Variants in NOL4L observed in about 807,000 individuals in gnomAD.
The protein encoded by NOL4L is nucleolar protein 4 like.
NOL4L carries 7 observed loss-of-function variants against 64.5 expected under a neutral mutation model. The ratio of observed to expected loss-of-function variants is 0.11; its 90% CI spans 0.06 to 0.20. NOL4L has a LOEUF of 0.20. Among genes scored for constraint, NOL4L ranks in the 10% least tolerant of loss-of-function variants. The pLI is 1.00. For missense variants in NOL4L, 680 were observed against 967.1 expected, an observed-to-expected ratio of 0.70 and a Z score of 3.94; for synonymous variants, 413 against 401.0, an observed-to-expected ratio of 1.03 and a Z score of -0.36.
At chr20:32,476,542 A>G (rs905341152) in intron 4 of NOL4L, among the ~76,000 whole-genome samples, 1 of 152,226 alleles carries the variant, frequency 6.6e-6, no homozygotes, top group Non-Finnish European at 1.5e-5. Context: ...ACTCTTGGGT[A>G]TTGTTCAAAT....
intron 4 of NOL4L, 36 bp downstream of exon 4, chr20:32,511,311 G>T (rs781771689): frequency 1.5e-6 from 2 of 1,347,506 alleles, no homozygotes; most frequent in African/African-American, 1.5e-5. Flanking sequence ...AAGTCAGGAC[G>T]CCTCCAGGTG....
chr20:32,521,588 C>T (rs555657193), intron 2 of NOL4L, among the ~76,000 whole-genome samples: 1 of 152,288 alleles, frequency 6.6e-6, no homozygotes, highest in South Asian at 2.1e-4. Flanking sequence ...ACAGTTGCCT[C>T]CAGAAGGCCT....
chr20:32,542,624 G>A (rs113299101), intron 1 of NOL4L, among the ~76,000 whole-genome samples: 3,769 of 152,062 alleles, frequency 0.025, 161 homozygotes, highest in African/African-American at 0.086. Flanking sequence ...AAAGTGCTGG[G>A]ATTACAGGTG....
intron 4 of NOL4L, among the ~76,000 whole-genome samples, chr20:32,492,566 A>G (rs2016509521): frequency 6.6e-6 from 1 of 152,196 alleles, no homozygotes; most frequent in African/African-American, 2.4e-5. Flanking sequence ...CTGAATGTGC[A>G]TTATGCTTCA....
Position 32,453,124 on chromosome 20 carries a change from CTA to C in NOL4L, c.1498-120_1498-119del. 6.8e-7 allele frequency: 1 copy of C among 1,478,724 alleles called. No individual in the cohort carries two copies. The highest frequency in any genetic ancestry group is 9.2e-7 in the Non-Finnish European group (1 of 1,089,706). 91.6% of individuals were successfully genotyped at this position (1,478,724 alleles called of 1,614,324 possible). A position where few individuals can be genotyped will look rare whatever the true frequency, so the allele number is the denominator to read the frequency against. On this transcript the variant is annotated intron_variant, in intron 8 of 10. Transcript: ENST00000621426. The surrounding 1 kb of genome is among the most constrained non-coding windows in gnomAD (Gnocchi z 5.6). ...GGGGTTTGGGCTCCAGCGCCTCAGT[CTA>C]TGGAGCTGTGTGATCTTTCTGGGCC...
chr20:32,540,522 C>G (rs1432951219), intron 1 of NOL4L, among the ~76,000 whole-genome samples: 1 of 152,208 alleles, frequency 6.6e-6, no homozygotes, highest in African/African-American at 2.4e-5. Flanking sequence ...CCCCGGCCCC[C>G]ACACCTGCCC....
chr20:32,561,649 G>A (rs140255578), intron 1 of NOL4L, among the ~76,000 whole-genome samples: 12 of 152,262 alleles, frequency 7.9e-5, no homozygotes, highest in South Asian at 4.1e-4. Flanking sequence ...GTTGGGCTTG[G>A]GGACAGGAGT....
chr20:32,498,967 C>T (rs1321263145), intron 4 of NOL4L, among the ~76,000 whole-genome samples: 1 of 151,976 alleles, frequency 6.6e-6, no homozygotes, highest in East Asian at 1.9e-4. Flanking sequence ...GCAACCTCTG[C>T]TTCCCAGGTT....
At position 32,584,981 on chromosome 20, in the gene NOL4L, G is replaced by A. The variant is rs1394651063; in HGVS notation, c.-91C>T. 3 of 729,048 alleles carry A rather than the reference G, an allele frequency of 4.1e-6. No individual in the cohort carries two copies. The highest frequency in any genetic ancestry group is 3.4e-6 in the Non-Finnish European group (2 of 596,256). The allele number at this position is 729,048 out of a possible 1,614,324, so 45.2% of individuals were successfully genotyped here. On this transcript the variant is annotated 5_prime_UTR_variant, in exon 1 of 11. Coordinates refer to ENST00000621426, the MANE Select transcript of NOL4L (RefSeq NM_001256798.2). Reference sequence around the variant, plus strand: ...GCTGGGCTGGGCTGGACCGGGCCGGGACGCGCCGCGGCCGCGTCTGTCCCG... The same window carrying A: ...GCTGGGCTGGGCTGGACCGGGCCGGAACGCGCCGCGGCCGCGTCTGTCCCG...
intron 3 of NOL4L, 43 bp from the exon 4 acceptor site, chr20:32,511,499 C>T (rs924492599): frequency 4.0e-5 from 56 of 1,392,618 alleles, no homozygotes; most frequent in Non-Finnish European, 4.6e-5. Context: ...GTCTGTGCTG[C>T]GGGCCTGTTG....
At chr20:32,502,258 G>C (rs2016949515) in intron 4 of NOL4L, among the ~76,000 whole-genome samples, 1 of 152,208 alleles carries the variant, frequency 6.6e-6, no homozygotes, top group Non-Finnish European at 1.5e-5. Context: ...AAGTGGGGAG[G>C]CTGGGGCAGG....
chr20:32,447,248 A>C lies in NOL4L; in HGVS notation c.*348T>G. On this transcript the variant is annotated 3_prime_UTR_variant, in exon 11 of 11. Coordinates refer to ENST00000621426, the MANE Select transcript of NOL4L (RefSeq NM_001256798.2). ...TCTGCTCACCTAAGACTTGAAAGGT[A>C]ATTATCTGGGGGTGGGATTCTAACA... 1.9e-6 allele frequency: 1 copy of C among 517,262 alleles called. No homozygotes were observed. 32.0% of individuals were successfully genotyped at this position (517,262 alleles called of 1,614,324 possible).
chr20:32,518,420 C>T (rs549912618), intron 3 of NOL4L, among the ~76,000 whole-genome samples: 3 of 152,244 alleles, frequency 2.0e-5, no homozygotes, highest in East Asian at 3.8e-4. Context: ...CTGTGCTCCG[C>T]GTTGCCCTCC....
At chr20:32,537,034 C>A (rs1600853540) in intron 1 of NOL4L, 2 of 983,410 alleles carry the variant, frequency 2.0e-6, no homozygotes, top group East Asian at 1.1e-4. Context: ...CCCCGCCAAC[C>A]GGCTCCCGGC....
chr20:32,583,646 G>A (rs1488002191), intron 1 of NOL4L, among the ~76,000 whole-genome samples: 1 of 141,114 alleles, frequency 7.1e-6, no homozygotes, highest in African/African-American at 2.6e-5. Context: ...GGGAGCGGCC[G>A]CCCCCCCCCC....
intron 1 of NOL4L, among the ~76,000 whole-genome samples, chr20:32,530,835 C>T (rs1159901494): frequency 6.6e-6 from 1 of 151,660 alleles, no homozygotes. Flanking sequence ...GCAGGAGAAT[C>T]ACTTGAATCC....
intron 1 of NOL4L, among the ~76,000 whole-genome samples, chr20:32,549,623 C>T (rs967856346): frequency 4.6e-5 from 7 of 152,044 alleles, no homozygotes; most frequent in East Asian, 1.9e-4. Context: ...AGTGATTGCC[C>T]GCTACTGTAA....
At chr20:32,482,041 C>G (rs931247804) in intron 4 of NOL4L, among the ~76,000 whole-genome samples, 1 of 151,000 alleles carries the variant, frequency 6.6e-6, no homozygotes, top group African/African-American at 2.4e-5. Flanking sequence ...GAATCTATTT[C>G]AAGCCACAAT....
intron 6 of NOL4L, among the ~76,000 whole-genome samples, chr20:32,455,224 G>C (rs2145433837): frequency 6.6e-6 from 1 of 152,284 alleles, no homozygotes; most frequent in South Asian, 2.1e-4. Context: ...CAGTGGCAAT[G>C]GCTGCTGAAC....
Sources: allele counts gnomAD v4.1 joint callset (sites outside exome capture counted in the v4.1 genomes callset), GRCh38; gene constraint gnomAD v4.1.1; non-coding constraint Gnocchi (gnomAD v3.1); transcripts MANE v1.5; gene names NCBI Gene and HGNC (gene_info 2026-07-23, HGNC 2026-07-21).